CDYL2: variants seen among roughly 807,000 people sequenced by gnomAD.
CDYL2 encodes chromodomain Y-like protein 2.
In CDYL2, 23 loss-of-function variants were observed where a neutral mutation model predicts 49.4. The ratio of observed to expected loss-of-function variants is 0.47; its 90% CI spans 0.34 to 0.66. The LOEUF (loss-of-function observed/expected upper bound fraction) is 0.66. CDYL2 is among the 30% of genes least tolerant of loss of function. The pLI, the probability that CDYL2 is intolerant of heterozygous loss-of-function variation, is 0.01. For missense variants in CDYL2, 678 were observed against 656.4 expected, an observed-to-expected ratio of 1.03 and a Z score of -0.36; for synonymous variants, 360 against 268.8, an observed-to-expected ratio of 1.34 and a Z score of -3.32.
At chr16:80,715,494 T>G (rs1482119671) in intron 1 of CDYL2, among the ~76,000 whole-genome samples, 1 of 152,146 alleles carries the variant, frequency 6.6e-6, no homozygotes, top group Non-Finnish European at 1.5e-5. Context: ...TTACAGACAC[T>G]CATGGTTCTC....
At chr16:80,728,411 G>C (rs1219098355) in intron 1 of CDYL2, among the ~76,000 whole-genome samples, 1 of 152,168 alleles carries the variant, frequency 6.6e-6, no homozygotes, top group Admixed American at 6.5e-5. Context: ...AGAATAAAAA[G>C]AAACGAACAA....
chr16:80,766,710 T>C (rs1317216516), intron 1 of CDYL2, among the ~76,000 whole-genome samples: 1 of 152,168 alleles, frequency 6.6e-6, no homozygotes, highest in Non-Finnish European at 1.5e-5. Context: ...ATAGATCATA[T>C]ATCTAACTGC....
intron 1 of CDYL2, among the ~76,000 whole-genome samples, chr16:80,727,445 C>G (rs2142534245): frequency 6.6e-6 from 1 of 152,348 alleles, no homozygotes; most frequent in East Asian, 1.9e-4. Flanking sequence ...TCGGAAGGTC[C>G]TACGCCCACG....
chr16:80,652,162 T>C (rs908558104), intron 2 of CDYL2, among the ~76,000 whole-genome samples: 3 of 152,172 alleles, frequency 2.0e-5, no homozygotes, highest in Non-Finnish European at 4.4e-5. Flanking sequence ...GCACAGATAC[T>C]AGTTTCTAAC....
At chr16:80,777,122 T>C (rs901866633) in intron 1 of CDYL2, among the ~76,000 whole-genome samples, 6 of 152,060 alleles carry the variant, frequency 3.9e-5, no homozygotes, top group Non-Finnish European at 8.8e-5. Flanking sequence ...GTGCCCGGCA[T>C]GTAAAATTAT....
At chr16:80,646,034 C>G (rs1389549388) in intron 2 of CDYL2, among the ~76,000 whole-genome samples, 1 of 149,350 alleles carries the variant, frequency 6.7e-6, no homozygotes, top group Non-Finnish European at 1.5e-5. Flanking sequence ...GGAGATATAC[C>G]TAATGTAAAT....
In CDYL2 at chr16:80,600,167, T is replaced by G. The variant is rs1220281976; in HGVS notation, c.*4221A>C. 6.6e-6 allele frequency: 1 copy of G among 152,184 alleles called. No individual in the cohort carries two copies. Among genetic ancestry groups the G allele is most frequent in the Non-Finnish European group, 1.5e-5 (1 of 68,036 alleles). The allele number at this position is 152,184 out of a possible 1,614,324, so 9.4% of individuals were successfully genotyped here. On this transcript the variant is annotated 3_prime_UTR_variant, in exon 7 of 7. Transcript: ENST00000570137. ...GCTTATTCACAAATTCAATACATTT[T>G]GAAATTATACTTCAAACGCAATTAC... is the stretch of plus-strand genomic sequence containing the variant.
At chr16:80,649,872 GCTT>G (rs1447813874) in intron 2 of CDYL2, among the ~76,000 whole-genome samples, 1 of 152,116 alleles carries the variant, frequency 6.6e-6, no homozygotes, top group Admixed American at 6.5e-5. Context: ...GGGAAAGATA[GCTT>G]CTTCAATAAA....
chr16:80,727,552 G>A (rs546242368), intron 1 of CDYL2, among the ~76,000 whole-genome samples: 1 of 152,338 alleles, frequency 6.6e-6, no homozygotes, highest in African/African-American at 2.4e-5. Context: ...GGCTTGCTTA[G>A]GTAAACAAAG....
rs547096792 is a variant in CDYL2 at position 80,662,665 on chromosome 16, C to G, written c.616+21873G>C. On this transcript the variant is annotated intron_variant, in intron 2 of 6. Transcript: ENST00000570137. ...TGAAAATGTTCAATATCTGCATTGT[C>G]TAATACAGTAGGTGGAATCCACATA... 6 of 451,524 alleles carry G rather than the reference C, an allele frequency of 1.3e-5. No homozygotes were observed. In the East Asian group the frequency reaches 4.2e-4, roughly 31 times the overall value. The allele number at this position is 451,524 out of a possible 1,614,324, so 28.0% of individuals were successfully genotyped here.
intron 1 of CDYL2, among the ~76,000 whole-genome samples, chr16:80,714,696 A>G (rs1206325327): frequency 1.3e-5 from 2 of 152,132 alleles, no homozygotes; most frequent in Non-Finnish European, 2.9e-5. Context: ...CCTTACATCA[A>G]TGCCATCCTG....
intron 1 of CDYL2, among the ~76,000 whole-genome samples, chr16:80,747,547 G>A (rs536404456): frequency 3.9e-5 from 6 of 152,272 alleles, no homozygotes; most frequent in African/African-American, 9.6e-5. Flanking sequence ...CAATGTTGTC[G>A]TGAATAGTGG....
intron 2 of CDYL2, among the ~76,000 whole-genome samples, chr16:80,641,447 G>A (rs987073589): frequency 2.6e-5 from 4 of 152,052 alleles, no homozygotes; most frequent in African/African-American, 9.7e-5. Context: ...AACAAAAGCT[G>A]AGAAATTTTA....
chr16:80,802,610 T>C (rs954298849), intron 1 of CDYL2, among the ~76,000 whole-genome samples: 2 of 152,126 alleles, frequency 1.3e-5, no homozygotes, highest in Non-Finnish European at 2.9e-5. Context: ...GAGGGCAACA[T>C]ACACCATTCT....
intron 2 of CDYL2, chr16:80,639,816 G>A (rs1227900184): frequency 6.9e-6 from 3 of 435,962 alleles, no homozygotes; most frequent in Non-Finnish European, 1.4e-5. Flanking sequence ...GAAAGGGAGA[G>A]TGTAGCAATT....
chr16:80,658,896 T>A (rs1035834383), intron 2 of CDYL2, among the ~76,000 whole-genome samples: 3 of 152,166 alleles, frequency 2.0e-5, no homozygotes, highest in Admixed American at 2.0e-4. Flanking sequence ...ATCAAAAGAA[T>A]AGCCAGGCAT....
intron 1 of CDYL2, among the ~76,000 whole-genome samples, chr16:80,735,931 C>T (rs572849025): frequency 1.3e-5 from 2 of 152,352 alleles, no homozygotes; most frequent in African/African-American, 4.8e-5. Flanking sequence ...ACTTAGGAAT[C>T]ACAGAGACTC....
chr16:80,678,183 T>C (rs1295727033), intron 2 of CDYL2, among the ~76,000 whole-genome samples: 3 of 152,204 alleles, frequency 2.0e-5, no homozygotes, highest in Non-Finnish European at 4.4e-5. Context: ...GGCATTACTA[T>C]TCAGGACATA....
chr16:80,627,233 G>A lies in CDYL2; in HGVS notation c.834+5786C>T, dbSNP rs187921203. The stretch of plus-strand genomic sequence containing the variant: ...ATCTTGTGGGTCCTTTAATCCATCT[G>A]CCTCCAGAAATAGATATACTCTCAC... On this transcript the variant is annotated intron_variant, in intron 3 of 6. Coordinates refer to ENST00000570137, the MANE Select transcript of CDYL2 (RefSeq NM_152342.4). Among the ~76,000 whole-genome samples the A allele has an allele frequency of 2.0e-5, 3 of 152,034 alleles. No homozygotes were observed. The East Asian group carries it at 5.8e-4, about 29-fold the overall frequency.
Sources: gnomAD v4.1 joint callset for allele counts (sites outside exome capture counted in the v4.1 genomes callset) on GRCh38, gnomAD v4.1.1 for gene constraint, MANE v1.5 for transcripts, NCBI Gene and HGNC (gene_info 2026-07-23, HGNC 2026-07-21) for gene names.